NME9: variants seen among roughly 807,000 people sequenced by gnomAD.
The protein encoded by NME9 is thioredoxin domain-containing protein 6.
In NME9, 48 loss-of-function variants were observed where a neutral mutation model predicts 44.4. The observed-to-expected ratio is 1.08, with a 90% CI of 0.86 to 1.37. The LOEUF is 1.37. Among genes scored for constraint, NME9 ranks in the 40% most tolerant of loss-of-function variants. The pLI is 0.00. For synonymous variants in NME9, 139 were observed against 147.1 expected (o/e 0.94, Z 0.40); for missense variants, 325 against 405.2 (o/e 0.80, Z 1.70).
chr3:138,313,734 G>A (rs1483416553), intron 6 of NME9, among the ~76,000 whole-genome samples: 1 of 152,174 alleles, frequency 6.6e-6, no homozygotes, highest in Non-Finnish European at 1.5e-5. Flanking sequence ...TAATTTAAAA[G>A]ATTAAAATCC....
intron 6 of NME9, among the ~76,000 whole-genome samples, chr3:138,309,157 G>T (rs913280935): frequency 6.6e-6 from 1 of 151,978 alleles, no homozygotes; most frequent in Non-Finnish European, 1.5e-5. Context: ...TTAGCTAGGT[G>T]TGGTGGCACA....
intron 8 of NME9, among the ~76,000 whole-genome samples, chr3:138,291,063 G>C (rs889724689): frequency 2.0e-5 from 3 of 152,216 alleles, no homozygotes; most frequent in African/African-American, 7.2e-5. Context: ...AGGAATCACT[G>C]TCCTCAAAGA....
intron 8 of NME9, among the ~76,000 whole-genome samples, chr3:138,285,171 T>C (rs988310846): frequency 2.6e-5 from 4 of 152,306 alleles, no homozygotes; most frequent in Admixed American, 2.6e-4. Context: ...TGTCCTTCAG[T>C]GATTCTCTAG....
At chr3:138,293,119 TTGTC>T (rs2051132466) in intron 8 of NME9, among the ~76,000 whole-genome samples, 1 of 152,168 alleles carries the variant, frequency 6.6e-6, no homozygotes, top group Non-Finnish European at 1.5e-5. Context: ...GGCTGTCAGG[TTGTC>T]TGCTCCACTG....
chr3:138,311,334 A>T (rs114473160), intron 6 of NME9, among the ~76,000 whole-genome samples: 2,071 of 152,294 alleles, frequency 0.014, 50 homozygotes, highest in African/African-American at 0.048. Flanking sequence ...ACTAATACCA[A>T]TTATACTCAA....
intron 8 of NME9, chr3:138,273,171 G>GACATTGCTCTCT (rs2048945526): frequency 2.0e-6 from 3 of 1,515,152 alleles, no homozygotes; most frequent in Non-Finnish European, 2.7e-6. Context: ...TGCATTGCAA[G>GACATTGCTCTCT]ACATTGCTCT....
rs1452230302 is a variant in NME9 at position 138,295,839 on chromosome 3, C to T, written c.745+7668G>A. Reference sequence around the variant, plus strand: ...ATTACAATTCTGAGATGATGGCTAACAGGAATTTTGTGATTTCAGGGCAAA... The same window carrying T: ...ATTACAATTCTGAGATGATGGCTAATAGGAATTTTGTGATTTCAGGGCAAA... On this transcript the variant is annotated intron_variant, in intron 8 of 8. Transcript: ENST00000317876. 1.9e-6 allele frequency: 3 copies of T among 1,613,246 alleles called. No individual in the cohort carries two copies. In the South Asian group the frequency reaches 3.3e-5, roughly 18 times the overall value.
At position 138,304,910 on chromosome 3, in the gene NME9, G is replaced by T. The variant is rs80092642; in HGVS notation, c.754C>A (p.Arg252Ser). The stretch of plus-strand genomic sequence containing the variant: ...TCCCTCCTGGCCACATTGGGGTCAC[G>T]GGGGCCCATGACGGTTCGCCAGGTA... ...VTTWRTVMGP[R>S]DPNVARREQP... Residue 252 changes from arginine to serine, a missense_variant, in exon 9 of 11, where the codon CGT (arginine) becomes AGT (serine). Physicochemically the swap from Arg to Ser is moderately radical, Grantham distance 110. Transcript: ENST00000333911. 2,673 of 1,613,990 alleles carry T rather than the reference G, an allele frequency of 1.7e-3. 34 individuals carry two copies. In the African/African-American group the frequency reaches 0.031, roughly 19 times the overall value.
chr3:138,269,826 T>C (rs1305866871), intron 8 of NME9, among the ~76,000 whole-genome samples: 1 of 150,722 alleles, frequency 6.6e-6, no homozygotes. Context: ...CTTTCTTTTT[T>C]TTTTTTTTTT....
chr3:138,294,340 C>T (rs1316913630), intron 8 of NME9, among the ~76,000 whole-genome samples: 1 of 152,186 alleles, frequency 6.6e-6, no homozygotes, highest in African/African-American at 2.4e-5. Context: ...AGAGCTCCCG[C>T]CTCCATCAGA....
chr3:138,306,769 G>A (rs1045925836), intron 6 of NME9, among the ~76,000 whole-genome samples: 1 of 152,220 alleles, frequency 6.6e-6, no homozygotes, highest in African/African-American at 2.4e-5. Context: ...TGGCAGAGGA[G>A]GAACATGGGA....
At chr3:138,303,460 C>T (rs568410562) in intron 10 of NME9, 47 bp downstream of exon 10, 5 of 1,497,560 alleles carry the variant, frequency 3.3e-6, no homozygotes, top group African/African-American at 2.8e-5. Flanking sequence ...TTACAAATTC[C>T]TTGTATCTAT....
chr3:138,318,123 G>T lies in NME9; in HGVS notation c.267+25C>A, dbSNP rs779671772. The T allele has an allele frequency of 8.4e-6, 12 of 1,428,542 alleles. No homozygotes were observed. The South Asian group carries it at 9.1e-5, about 11-fold the overall frequency. 88.5% of individuals were successfully genotyped at this position (1,428,542 alleles called of 1,614,324 possible). A position where few individuals can be genotyped will look rare whatever the true frequency, so the allele number is the denominator to read the frequency against. On this transcript the variant is annotated intron_variant, in intron 4 of 10. Transcript: ENST00000333911. Reference sequence around the variant, plus strand: ...TCTAATGATTTGCAATCGTCAAATAGTTCTGATTCTGAAAATGTACTTACT... The same window carrying T: ...TCTAATGATTTGCAATCGTCAAATATTTCTGATTCTGAAAATGTACTTACT...
At chr3:138,281,107 C>G (rs1033200612) in intron 8 of NME9, among the ~76,000 whole-genome samples, 2 of 152,148 alleles carry the variant, frequency 1.3e-5, no homozygotes, top group Non-Finnish European at 2.9e-5. Flanking sequence ...CCAAAAGAGA[C>G]AGCAGACTGG....
At chr3:138,287,854 C>T in intron 8 of NME9, 1 of 293,396 alleles carries the variant, frequency 3.4e-6, no homozygotes, top group Non-Finnish European at 6.8e-6. Flanking sequence ...TTTGAACATA[C>T]TAGAAATTTT....
chr3:138,277,932 CTG>C lies in NME9; in HGVS notation c.746-15348_746-15347del, dbSNP rs1469620081. ...CACAGTCACAATAAAGAGGGACAAA[CTG>C]TTGCTGTATGTAACAACATGGATGA... On this transcript the variant is annotated intron_variant, in intron 8 of 8. Coordinates refer to the NME9 transcript ENST00000317876. Among the ~76,000 whole-genome samples, 5 of 152,308 alleles carry C rather than the reference CTG, an allele frequency of 3.3e-5. No homozygotes were observed. The East Asian group carries it at 7.7e-4, about 24-fold the overall frequency.
At chr3:138,308,251 TCAAA>T (rs1376893967) in intron 6 of NME9, among the ~76,000 whole-genome samples, 2 of 152,200 alleles carry the variant, frequency 1.3e-5, no homozygotes, top group African/African-American at 4.8e-5. Context: ...AGAATCCAAC[TCAAA>T]CAATTCTTAT....
At chr3:138,264,447 T>C (rs2108268221) in intron 8 of NME9, among the ~76,000 whole-genome samples, 1 of 134,096 alleles carries the variant, frequency 7.5e-6, no homozygotes, top group African/African-American at 2.8e-5. Flanking sequence ...TGAGATGTAG[T>C]CTAGCTCTGT....
At chr3:138,295,789 T>C in intron 8 of NME9, 1 of 1,557,736 alleles carries the variant, frequency 6.4e-7, no homozygotes. Context: ...GCTATCATCA[T>C]TGAACCATAG....
Sources: gnomAD v4.1 joint callset for allele counts (sites outside exome capture counted in the v4.1 genomes callset) on GRCh38, gnomAD v4.1.1 for gene constraint, MANE v1.5 for transcripts, NCBI Gene and HGNC (gene_info 2026-07-23, HGNC 2026-07-21) for gene names.